The following SLC34A2 variants were observed in gnomAD, a reference collection of about 807,000 sequenced individuals.
The protein encoded by SLC34A2 is sodium-dependent phosphate transport protein 2B.
A neutral mutation model predicts 50.8 loss-of-function variants in SLC34A2; 41 were observed. That is an observed-to-expected ratio of 0.81 (90% confidence interval 0.63 to 1.05). The LOEUF is 1.05. SLC34A2 is among the 50% of genes least tolerant of loss of function. SLC34A2 has a pLI of 0.00. For missense variants in SLC34A2, 879 were observed against 876.7 expected (o/e 1.00, Z -0.03); for synonymous variants, 401 against 364.2 (o/e 1.10, Z -1.15).
intron 7 of SLC34A2, 86 bp downstream of exon 7, chr4:25,669,928 C>G: frequency 8.2e-7 from 1 of 1,212,338 alleles, no homozygotes; most frequent in South Asian, 1.2e-5. Flanking sequence ...AGAGTGTCTA[C>G]AACACTATTC....
At chr4:25,670,644 C>T in intron 7 of SLC34A2, 94 bp from the exon 8 acceptor site, 1 of 901,050 alleles carries the variant, frequency 1.1e-6, no homozygotes, top group Non-Finnish European at 1.8e-6. Context: ...TCACATTTAT[C>T]TCCTTAGAGC....
intron 4 of SLC34A2, among the ~76,000 whole-genome samples, chr4:25,665,303 A>T (rs892057446): frequency 1.3e-5 from 2 of 151,104 alleles, no homozygotes; most frequent in South Asian, 4.2e-4. Context: ...AGTAGCTGGG[A>T]TTACAGGCAT....
chr4:25,672,915 G>A (rs1162813213), intron 9 of SLC34A2, among the ~76,000 whole-genome samples, 172 bp from the exon 10 acceptor site: 2 of 152,126 alleles, frequency 1.3e-5, no homozygotes, highest in East Asian at 3.9e-4. Context: ...TTTCAGTGGT[G>A]CCCCTTGCTG....
rs558505994 is a variant in SLC34A2, at chr4:25,672,901, A to G, written c.1049-186A>G. 1.4e-4 allele frequency among the ~76,000 whole-genome samples: 21 copies of G among 152,282 alleles called. No individual in the cohort carries two copies. In the East Asian group the frequency reaches 2.1e-3, roughly 15 times the overall value. On this transcript the variant is annotated intron_variant, in intron 9 of 12. Coordinates refer to ENST00000382051, the MANE Select transcript of SLC34A2 (RefSeq NM_006424.3). ...CTCATGCGATCCCACTGATTATGAC[A>G]TAGTTTCAGTGGTGCCCCTTGCTGC...
rs762289751 is a variant in SLC34A2 at position 25,674,292 on chromosome 4, C to T, written c.1217-4C>T. 6.2e-7 allele frequency: 1 copy of T among 1,612,722 alleles called. No homozygotes were observed. Among genetic ancestry groups the T allele is most frequent in the East Asian group, 2.2e-5 (1 of 44,870 alleles). The stretch of plus-strand genomic sequence containing the variant: ...CCATGACATCTCTTCCTTCTGTCTT[C>T]CAGATTTCCCCTTTCCCTTTGCATG... On this transcript the variant is annotated splice_region_variant and splice_polypyrimidine_tract_variant and intron_variant, in intron 10 of 12. Coordinates refer to ENST00000382051, the MANE Select transcript of SLC34A2 (RefSeq NM_006424.3).
At chr4:25,673,308 T>TG in intron 10 of SLC34A2, 54 bp downstream of exon 10, 3 of 1,395,240 alleles carry the variant, frequency 2.2e-6, no homozygotes, top group Non-Finnish European at 3.0e-6. Context: ...GCATGGGGTG[T>TG]GGGGGTCCTT....
In SLC34A2 at chr4:25,662,694, G is replaced by A; in HGVS notation, c.113-11G>A. On this transcript the variant is annotated splice_polypyrimidine_tract_variant and intron_variant, in intron 2 of 12. Coordinates refer to ENST00000382051, the MANE Select transcript of SLC34A2 (RefSeq NM_006424.3). The stretch of plus-strand genomic sequence containing the variant: ...GGTCTGATTCCTCATTACCCCTTTT[G>A]CTTGTTTCAGCAGATAACACTGAGG... 6.2e-7 allele frequency: 1 copy of A among 1,614,016 alleles called. No individual in the cohort carries two copies. The highest frequency in any genetic ancestry group is 8.5e-7 in the Non-Finnish European group (1 of 1,180,020).
chr4:25,668,361 G>T (rs964495724), intron 6 of SLC34A2, among the ~76,000 whole-genome samples: 2 of 152,222 alleles, frequency 1.3e-5, no homozygotes, highest in Non-Finnish European at 1.5e-5. Context: ...AGAAGAGTAG[G>T]ATTTATTGGG....
In SLC34A2 at chr4:25,673,283, TCACA is replaced by T. The variant is rs778277939; in HGVS notation, c.1216+30_1216+33del. The T allele has an allele frequency of 0.91, 1,472,596 of 1,609,778 alleles. 674,267 individuals carry two copies. Among genetic ancestry groups the T allele is most frequent in the East Asian group, 1 (44,834 of 44,856 alleles). On this transcript the variant is annotated intron_variant, in intron 10 of 12. Coordinates refer to ENST00000382051, the MANE Select transcript of SLC34A2 (RefSeq NM_006424.3). ...GGTACACTGCCCTCACTTGTAGGCCTCACATGTAGTCACTGCATGGGGTGTGGGG... is the reference window on the plus strand; with the variant it reads ...GGTACACTGCCCTCACTTGTAGGCCTTGTAGTCACTGCATGGGGTGTGGGG...
intron 3 of SLC34A2, among the ~76,000 whole-genome samples, chr4:25,663,695 G>T (rs1041423581): frequency 1.3e-5 from 2 of 152,158 alleles, no homozygotes; most frequent in African/African-American, 2.4e-5. Context: ...AAAGCCAGTG[G>T]AGTAAACAGC....
Position 25,676,706 on chromosome 4 carries a change from A to T in SLC34A2, c.2030A>T (p.Glu677Val), listed in dbSNP as rs765465820. Residue 677 changes from glutamate (E) to valine (V), a missense_variant, in exon 13 of 13, where the codon GAG (glutamate) becomes GTG (valine). By Grantham distance (121) the Glu-to-Val change is moderately radical (BLOSUM62 -2). Transcript: ENST00000382051. Reference protein sequence around the residue: ...NITISREAQGEVPASDSKTEC... With the variant: ...NITISREAQGVVPASDSKTEC... ...ACCATTAGCAGAGAGGCTCAGGGTGAGGTCCCTGCCTCGGACTCAAAGACC... is the reference window on the plus strand; with the variant it reads ...ACCATTAGCAGAGAGGCTCAGGGTGTGGTCCCTGCCTCGGACTCAAAGACC... 1 of 1,614,168 alleles carries T rather than the reference A, an allele frequency of 6.2e-7. No individual in the cohort carries two copies.
intron 5 of SLC34A2, 87 bp downstream of exon 5, chr4:25,666,358 C>A: frequency 6.9e-7 from 1 of 1,458,478 alleles, no homozygotes. Context: ...GGAATTCACT[C>A]TGAATATGTC....
chr4:25,676,478 A>G lies in SLC34A2; in HGVS notation c.1802A>G (p.Lys601Arg), dbSNP rs1274106130. ...CTGCCGCTGTGGATGCGCTCGCTGA[A>G]GCCCTGGGATGCCGTCGTCTCCAAG... Reference protein sequence around the residue: ...NFLPLWMRSLKPWDAVVSKFT... With the variant: ...NFLPLWMRSLRPWDAVVSKFT... The change falls in exon 13 of 13, where the codon AAG (lysine) becomes AGG (arginine). Residue 601 changes from lysine to arginine, a missense_variant. Coordinates refer to ENST00000382051, the MANE Select transcript of SLC34A2 (RefSeq NM_006424.3). The G allele has an allele frequency of 6.2e-7, 1 of 1,614,174 alleles. No individual in the cohort carries two copies. The highest frequency in any genetic ancestry group is 8.5e-7 in the Non-Finnish European group (1 of 1,180,042).
chr4:25,673,194 A>G lies in SLC34A2; in HGVS notation c.1156A>G (p.Ile386Val). 6.2e-7 allele frequency: 1 copy of G among 1,613,874 alleles called. No homozygotes were observed. The highest frequency in any genetic ancestry group is 8.5e-7 in the Non-Finnish European group (1 of 1,180,018). ...TGGTTGCCTGATCATGATTGTCAAG[A>G]TCCTGGGCTCTGTGCTCAAGGGGCA... ...LCGCLIMIVK[I>V]LGSVLKGQVA... The change falls in exon 10 of 13, where the codon ATC (isoleucine) becomes GTC (valine). Residue 386 changes from isoleucine to valine, a missense_variant. Physicochemically the swap from Ile to Val is conservative, Grantham distance 29. Transcript: ENST00000382051.
In SLC34A2 at chr4:25,676,553, G is replaced by A. The variant is rs749617387; in HGVS notation, c.1877G>A (p.Cys626Tyr). 6 of 1,612,962 alleles carry A rather than the reference G, an allele frequency of 3.7e-6. No individual in the cohort carries two copies. Among genetic ancestry groups the A allele is most frequent in the Admixed American group, 1.7e-5 (1 of 59,988 alleles). Residue 626 changes from cysteine to tyrosine, a missense_variant, in exon 13 of 13, where the codon TGC becomes TAC. Coordinates refer to ENST00000382051, the MANE Select transcript of SLC34A2 (RefSeq NM_006424.3). ...MRCCCCCRVC[C>Y]RACCLLCDCP... ...TGCTGCTGCTGCTGCCGCGTGTGCT[G>A]CCGCGCGTGCTGCTTGCTGTGTGAC...
rs759287315 is a variant in SLC34A2 at position 25,667,900 on chromosome 4, A to C, written c.544A>C (p.Ile182Leu). ...SSSLLTVRAA[I>L]PIIMGANIGT... is the part of the protein sequence containing the mutation. ...TCTAGTGCTCACTGTTCGGGCTGCC[A>C]TCCCCATTATCATGGGGGCCAACAT... The change falls in exon 6 of 13, where the codon ATC becomes CTC. Residue 182 changes from isoleucine to leucine, a missense_variant. Ile to Leu is a conservative substitution (Grantham distance 5, BLOSUM62 2). Coordinates refer to ENST00000382051, the MANE Select transcript of SLC34A2 (RefSeq NM_006424.3). The C allele has an allele frequency of 9.3e-6, 15 of 1,612,324 alleles. No homozygotes were observed. In the East Asian group the frequency reaches 2.9e-4, roughly 31 times the overall value.
chr4:25,671,391 T>C (rs1297277634), intron 8 of SLC34A2, among the ~76,000 whole-genome samples: 10 of 152,138 alleles, frequency 6.6e-5, no homozygotes, highest in Non-Finnish European at 1.5e-5. Flanking sequence ...TGTTTTTAAA[T>C]GATGAAGGCT....
chr4:25,671,912 G>A (rs1411737322), intron 9 of SLC34A2, among the ~76,000 whole-genome samples, 191 bp downstream of exon 9: 1 of 152,198 alleles, frequency 6.6e-6, no homozygotes. Flanking sequence ...TGACAGGCCT[G>A]AGGTCCCACA....
chr4:25,659,461 C>A (rs1291375002), intron 1 of SLC34A2, among the ~76,000 whole-genome samples: 1 of 151,996 alleles, frequency 6.6e-6, no homozygotes, highest in East Asian at 1.9e-4. Flanking sequence ...GAAATGAGGC[C>A]ATTTACTGTT....
Sources: allele counts gnomAD v4.1 joint callset (sites outside exome capture counted in the v4.1 genomes callset), GRCh38; gene constraint gnomAD v4.1.1; transcripts MANE v1.5; gene names NCBI Gene and HGNC (gene_info 2026-07-23, HGNC 2026-07-21).